The following HOMER2 variants were observed in gnomAD, a reference collection of about 807,000 sequenced individuals.
The protein encoded by HOMER2 is homer scaffold protein 2, also known as homer protein homolog 2.
In HOMER2, 27 loss-of-function variants were observed where a neutral mutation model predicts 47.0. The ratio of observed to expected loss-of-function variants is 0.57; its 90% confidence interval spans 0.42 to 0.79. The LOEUF (loss-of-function observed/expected upper bound fraction) is 0.79. HOMER2 is among the 30% of genes least tolerant of loss of function. The pLI is 0.00. For missense variants in HOMER2, 443 were observed against 435.0 expected (o/e 1.02, Z -0.16); for synonymous variants, 161 against 163.8 (o/e 0.98, Z 0.13).
downstream of HOMER2, among the ~76,000 whole-genome samples, chr15:82,836,292 G>T (rs933378292): frequency 5.9e-5 from 9 of 152,324 alleles, no homozygotes; most frequent in African/African-American, 1.9e-4. Flanking sequence ...TCTCCAGTCG[G>T]CCTCCAAAGC....
At chr15:82,868,541 A>ATATATATATATTTTTTT in intron 3 of HOMER2, among the ~76,000 whole-genome samples, 5 of 71,276 alleles carry the variant, frequency 7.0e-5, no homozygotes, top group Non-Finnish European at 1.4e-4. Context: ...ATATATATAT[A>ATATATATATATTTTTTT]TTTTTTTTTT....
intron 2 of HOMER2, among the ~76,000 whole-genome samples, chr15:82,889,472 G>A (rs750442471): frequency 3.9e-5 from 6 of 152,224 alleles, no homozygotes; most frequent in Non-Finnish European, 7.3e-5. Flanking sequence ...AGATGGGGGT[G>A]AGGGTGGGCA....
chr15:82,863,149 G>T lies in HOMER2; in HGVS notation c.387+1018C>A, dbSNP rs560717920. ...GATCTTGACTGCTCAAGATGCCCAGGCCTCCTGGTTCTCTTCCTGCAACCT... is the reference window on the plus strand; with the variant it reads ...GATCTTGACTGCTCAAGATGCCCAGTCCTCCTGGTTCTCTTCCTGCAACCT... On this transcript the variant is annotated intron_variant, in intron 4 of 8. Coordinates refer to ENST00000450735, the MANE Select transcript of HOMER2 (RefSeq NM_004839.4). 1.1e-4 allele frequency among the ~76,000 whole-genome samples: 17 copies of T among 152,024 alleles called. No homozygotes were observed. In the East Asian group the frequency reaches 3.3e-3, roughly 29 times the overall value.
At chr15:82,954,690 A>T (rs2054570072), upstream of HOMER2, among the ~76,000 whole-genome samples, 1 of 152,150 alleles carries the variant, frequency 6.6e-6, no homozygotes, top group Non-Finnish European at 1.5e-5. Context: ...CTATGTCTAT[A>T]GGTATATCGA....
chr15:82,897,044 G>T (rs1159834309), intron 1 of HOMER2, among the ~76,000 whole-genome samples: 1 of 143,108 alleles, frequency 7.0e-6, no homozygotes, highest in Non-Finnish European at 1.5e-5. Flanking sequence ...TATATGACAG[G>T]TCTGAAATTT....
intron 1 of HOMER2, among the ~76,000 whole-genome samples, chr15:82,908,673 C>T (rs1009475460): frequency 6.6e-6 from 1 of 151,904 alleles, no homozygotes. Flanking sequence ...TGAGGGCTGC[C>T]CAATTCAGTA....
chr15:82,862,417 C>G (rs2051824992), intron 4 of HOMER2, among the ~76,000 whole-genome samples: 1 of 152,178 alleles, frequency 6.6e-6, no homozygotes, highest in South Asian at 2.1e-4. Flanking sequence ...TACTCGAGCC[C>G]AGGGGCAGCA....
At chr15:82,873,514 G>A (rs753295648) in intron 3 of HOMER2, among the ~76,000 whole-genome samples, 31 of 152,196 alleles carry the variant, frequency 2.0e-4, no homozygotes, top group Non-Finnish European at 4.3e-4. Context: ...TGCTGCACTC[G>A]TGCCTGCTGA....
chr15:82,911,192 TAAAC>T (rs2053443565), intron 1 of HOMER2, among the ~76,000 whole-genome samples: 1 of 152,164 alleles, frequency 6.6e-6, no homozygotes, highest in Non-Finnish European at 1.5e-5. Context: ...ATCAGCAAAT[TAAAC>T]AAAGAAATCT....
chr15:82,840,523 G>A (rs1208498170), exon 2 of HOMER2: 4 of 151,878 alleles, frequency 2.6e-5, no homozygotes, highest in Admixed American at 6.6e-5. Flanking sequence ...GCATGCTCAC[G>A]GCTCACTGCA....
At chr15:82,951,154 G>A (rs1021916150) in intron 1 of HOMER2, among the ~76,000 whole-genome samples, 39 of 152,170 alleles carry the variant, frequency 2.6e-4, no homozygotes, top group African/African-American at 9.4e-4. Context: ...GCCAACTTGG[G>A]TGCCTCTGGG....
intron 1 of HOMER2, among the ~76,000 whole-genome samples, chr15:82,934,698 C>T (rs1313924018): frequency 6.6e-6 from 1 of 152,174 alleles, no homozygotes; most frequent in Non-Finnish European, 1.5e-5. Flanking sequence ...TGCCTTCTGC[C>T]ACCTGCTTCC....
chr15:82,843,599 C>T (rs1047800104), exon 2 of HOMER2: 3 of 147,068 alleles, frequency 2.0e-5, no homozygotes, highest in Non-Finnish European at 4.5e-5. Flanking sequence ...AAAAGCCATA[C>T]GTGCAACTTA....
chr15:82,959,706 C>T (rs960524617), intron 1 of HOMER2, among the ~76,000 whole-genome samples: 1 of 152,082 alleles, frequency 6.6e-6, no homozygotes, highest in Non-Finnish European at 1.5e-5. Flanking sequence ...ATTATGATTC[C>T]GATGCGCAGC....
At chr15:82,837,582 C>G (rs571669080) in exon 2 of HOMER2, 192 of 152,348 alleles carry the variant, frequency 1.3e-3, no homozygotes, top group African/African-American at 4.5e-3. Context: ...TGGGCTCCTC[C>G]TGGGGTCAGC....
chr15:82,880,412 T>C (rs1386644334), intron 2 of HOMER2, among the ~76,000 whole-genome samples: 1 of 151,758 alleles, frequency 6.6e-6, no homozygotes, highest in African/African-American at 2.4e-5. Context: ...TCTTGAGGAG[T>C]GGATGGGAGA....
rs556399687 is a variant in HOMER2, at chr15:82,927,031, T to C, written c.5+25500A>G. Among the ~76,000 whole-genome samples, 321 of 152,314 alleles carry C rather than the reference T, an allele frequency of 2.1e-3. 1 individual carries two copies. Among genetic ancestry groups the C allele is most frequent in the Middle Eastern group, 0.01 (3 of 294 alleles). On this transcript the variant is annotated intron_variant, in intron 1 of 8. Transcript: ENST00000450735. ...ATCCCTTTAATGAGGGCTCTACTCC[T>C]ATGACCTAATCACCCCAACAAAGTC...
At chr15:82,952,489 C>G in intron 1 of HOMER2, 42 bp downstream of exon 1, 3 of 1,177,848 alleles carry the variant, frequency 2.5e-6, no homozygotes, top group Non-Finnish European at 3.2e-6. Context: ...CGCAGTCCCT[C>G]CGGAGGGGCG....
rs544336306 is a variant in HOMER2 at position 82,913,579 on chromosome 15, G to C, written c.6-20738C>G. ...CATCCCAACAGCAGCACTCTATCAG[G>C]CCATCTTCCTGAAAGCAACACAAAC... On this transcript the variant is annotated intron_variant, in intron 1 of 8. Transcript: ENST00000450735. The surrounding 1 kb of genome is among the most constrained non-coding windows in gnomAD (Gnocchi z 4.1). Among the ~76,000 whole-genome samples the C allele has an allele frequency of 1.3e-5, 2 of 152,208 alleles. No homozygotes were observed. The highest frequency in any genetic ancestry group is 3.9e-4 in the East Asian group (2 of 5,184).
Sources: gnomAD v4.1 joint callset for allele counts (sites outside exome capture counted in the v4.1 genomes callset) on GRCh38, gnomAD v4.1.1 for gene constraint, Gnocchi (gnomAD v3.1) non-coding constraint, MANE v1.5 for transcripts, NCBI Gene and HGNC (gene_info 2026-07-23, HGNC 2026-07-21) for gene names.